The following UBAP2 variants were observed in gnomAD, a reference collection of about 807,000 sequenced individuals.
UBAP2 encodes ubiquitin-associated protein 2.
UBAP2 carries 75 observed loss-of-function variants against 139.6 expected under a neutral mutation model. The observed-to-expected ratio is 0.54, with a 90% CI of 0.45 to 0.65. The LOEUF (loss-of-function observed/expected upper bound fraction) is 0.65, where lower values mean the gene tolerates loss of function less well. Ranked by LOEUF, UBAP2 falls within the 30% of genes least tolerant of loss-of-function variation. The pLI is 0.00. For synonymous variants in UBAP2, 526 were observed against 526.2 expected, an observed-to-expected ratio of 1.00 and a Z score of 0.01; for missense variants, 1,368 against 1,369.6, an observed-to-expected ratio of 1.00 and a Z score of 0.02.
In UBAP2 at chr9:33,953,490, G is replaced by A. The variant is rs1449551416; in HGVS notation, c.867-16C>T. 3.4e-5 allele frequency: 54 copies of A among 1,605,972 alleles called. No individual in the cohort carries two copies. Among genetic ancestry groups the A allele is most frequent in the Non-Finnish European group, 4.4e-5 (52 of 1,175,746 alleles). On this transcript the variant is annotated splice_polypyrimidine_tract_variant and intron_variant, in intron 11 of 28. Coordinates refer to ENST00000379238, the MANE Select transcript of UBAP2 (RefSeq NM_001370062.2). ...CAGATCAATGCTAAGCAGACAAAAA[G>A]CAATGAGGAACCAGTCATAAGCAAA...
At chr9:33,968,265 C>G (rs1326191180) in intron 8 of UBAP2, 1 of 619,694 alleles carries the variant, frequency 1.6e-6, no homozygotes, top group Admixed American at 1.9e-5. Flanking sequence ...GCAAGTCCTT[C>G]CATAATATAC....
chr9:33,940,674 G>A (rs1825126316), intron 16 of UBAP2, among the ~76,000 whole-genome samples: 1 of 152,160 alleles, frequency 6.6e-6, no homozygotes, highest in Admixed American at 6.5e-5. Context: ...AGCTCTTTGG[G>A]AGGCTAGGGT....
intron 2 of UBAP2, among the ~76,000 whole-genome samples, chr9:34,015,079 A>C (rs1184448178): frequency 6.6e-6 from 1 of 152,266 alleles, no homozygotes; most frequent in East Asian, 1.9e-4. Context: ...GATTTTAAGA[A>C]GCACTTTTAA....
chr9:33,953,518 T>C, intron 11 of UBAP2, 44 bp from the exon 12 acceptor site: 1 of 1,559,230 alleles, frequency 6.4e-7, no homozygotes. Context: ...TAAGCAAATC[T>C]TACCAACAAA....
At chr9:33,985,160 T>C (rs1249009572) in intron 6 of UBAP2, among the ~76,000 whole-genome samples, 6 of 152,284 alleles carry the variant, frequency 3.9e-5, no homozygotes, top group Middle Eastern at 6.8e-3. Flanking sequence ...GTTTGCCAGG[T>C]TGTGGTGGCT....
At chr9:34,008,091 C>T (rs1395760436) in intron 2 of UBAP2, among the ~76,000 whole-genome samples, 4 of 152,016 alleles carry the variant, frequency 2.6e-5, no homozygotes, top group African/African-American at 4.8e-5. Context: ...GCCGAGATCG[C>T]GCCACTGCAC....
intron 5 of UBAP2, among the ~76,000 whole-genome samples, chr9:33,987,830 T>C (rs1048008516): frequency 1.3e-5 from 2 of 152,158 alleles, no homozygotes; most frequent in African/African-American, 4.8e-5. Context: ...AATAGCAAAA[T>C]AGCAATACCA....
rs189597805 is a variant in UBAP2, at chr9:33,966,243, T to C, written c.680-2452A>G. 8.0e-5 allele frequency among the ~76,000 whole-genome samples: 12 copies of C among 150,758 alleles called. No homozygotes were observed. In the East Asian group the frequency reaches 2.3e-3, roughly 29 times the overall value. ...TGGGCAGATCACTTGAGGTCAAGAG[T>C]TCAATACTTACCTGCCCAACATGGT... On this transcript the variant is annotated intron_variant, in intron 8 of 28. Coordinates refer to ENST00000379238, the MANE Select transcript of UBAP2 (RefSeq NM_001370062.2).
At chr9:34,018,711 A>G (rs1308691214) in intron 1 of UBAP2, among the ~76,000 whole-genome samples, 1 of 151,988 alleles carries the variant, frequency 6.6e-6, no homozygotes, top group Non-Finnish European at 1.5e-5. Flanking sequence ...AAAATACAAA[A>G]AATTAGCCAG....
At chr9:33,953,691 C>A (rs776125987) in intron 11 of UBAP2, among the ~76,000 whole-genome samples, 1 of 151,948 alleles carries the variant, frequency 6.6e-6, no homozygotes, top group Non-Finnish European at 1.5e-5. Context: ...AGAAGAGAAT[C>A]AAAAGGTGTA....
At chr9:33,956,932 A>G (rs1036141150) in intron 10 of UBAP2, among the ~76,000 whole-genome samples, 1 of 34,368 alleles carries the variant, frequency 2.9e-5, no homozygotes, top group African/African-American at 1.3e-4. Context: ...ATCTCTAGGA[A>G]AAAAAAAAAA....
intron 14 of UBAP2, 26 bp downstream of exon 14, chr9:33,944,339 C>T (rs1283370261): frequency 3.7e-6 from 6 of 1,605,016 alleles, no homozygotes; most frequent in East Asian, 2.2e-5. Context: ...AGCTTTAGGA[C>T]GGTGACTTCA....
intron 12 of UBAP2, among the ~76,000 whole-genome samples, chr9:33,952,106 C>T (rs938467486): frequency 2.0e-5 from 3 of 152,160 alleles, no homozygotes; most frequent in Admixed American, 6.5e-5. Context: ...CAGGGTAAAA[C>T]AAACGATTTG....
intron 1 of UBAP2, among the ~76,000 whole-genome samples, chr9:34,039,439 A>G (rs1826835073): frequency 6.6e-6 from 1 of 152,196 alleles, no homozygotes; most frequent in Non-Finnish European, 1.5e-5. Flanking sequence ...AAAGATAGAG[A>G]AATCAGATTG....
At chr9:34,018,827 C>T (rs1015717073) in intron 1 of UBAP2, among the ~76,000 whole-genome samples, 3 of 151,792 alleles carry the variant, frequency 2.0e-5, no homozygotes, top group East Asian at 1.9e-4. Flanking sequence ...CGTGCCACTG[C>T]GCTCCAGCCT....
At chr9:33,951,357 TTTTTTTTTG>T in intron 12 of UBAP2, among the ~76,000 whole-genome samples, 1 of 101,596 alleles carries the variant, frequency 9.8e-6, no homozygotes, top group South Asian at 3.7e-4. Flanking sequence ...TTTTTTTTTT[TTTTTTTTTG>T]AGATAGAGTT....
rs145578872 is a variant in UBAP2 at position 33,983,911 on chromosome 9, C to T, written c.520+2849G>A. Among the ~76,000 whole-genome samples, 76 of 152,186 alleles carry T rather than the reference C, an allele frequency of 5.0e-4. 1 individual carries two copies. In the East Asian group the frequency reaches 0.013, roughly 26 times the overall value. ...AACTTTACCTAGAATAATACTGAAT[C>T]CCTGGGATTTTTTTATTTGAGACAG... On this transcript the variant is annotated intron_variant, in intron 6 of 28. Coordinates refer to ENST00000379238, the MANE Select transcript of UBAP2 (RefSeq NM_001370062.2).
rs1479511369 is a variant in UBAP2, at chr9:33,960,991, A to G, written c.746-113T>C. ...GGAAAAAAGATACATACGCCTCACT[A>G]GCAATTTAGTTTACAACCCAAGAAA... On this transcript the variant is annotated intron_variant, in intron 9 of 28. Transcript: ENST00000379238. The G allele has an allele frequency of 4.2e-6, 4 of 943,568 alleles. No individual in the cohort carries two copies. In the African/African-American group the frequency reaches 4.9e-5, roughly 12 times the overall value. The allele number at this position is 943,568 out of a possible 1,614,324, so 58.4% of individuals were successfully genotyped here.
At chr9:33,984,925 T>C (rs546881883) in intron 6 of UBAP2, among the ~76,000 whole-genome samples, 2 of 152,204 alleles carry the variant, frequency 1.3e-5, no homozygotes, top group South Asian at 2.1e-4. Flanking sequence ...CAATGAGTTA[T>C]GATCATGACA....
Sources: gnomAD v4.1 joint callset for allele counts (sites outside exome capture counted in the v4.1 genomes callset) on GRCh38, gnomAD v4.1.1 for gene constraint, MANE v1.5 for transcripts, NCBI Gene and HGNC (gene_info 2026-07-23, HGNC 2026-07-21) for gene names.